NECTIN1: variants seen among roughly 807,000 people sequenced by gnomAD.
NECTIN1 encodes nectin-1.
NECTIN1 carries 23 observed loss-of-function variants against 48.0 expected under a neutral mutation model. That is an observed-to-expected ratio of 0.48 (90% CI 0.34 to 0.68). NECTIN1 has a LOEUF of 0.68. Ranked by LOEUF, NECTIN1 falls within the 30% of genes least tolerant of loss-of-function variation. The pLI is 0.01. For synonymous variants in NECTIN1, 270 were observed against 288.9 expected, an observed-to-expected ratio of 0.93 and a Z score of 0.66; for missense variants, 591 against 709.9, an observed-to-expected ratio of 0.83 and a Z score of 1.90.
intron 1 of NECTIN1, among the ~76,000 whole-genome samples, chr11:119,688,563 C>T (rs1020796974): frequency 2.6e-5 from 4 of 152,208 alleles, no homozygotes; most frequent in African/African-American, 9.7e-5. Context: ...GACATTGCTG[C>T]ATCTCCCATG....
chr11:119,651,773 G>A (rs1864494717), intron 5 of NECTIN1, among the ~76,000 whole-genome samples: 1 of 152,144 alleles, frequency 6.6e-6, no homozygotes, highest in Non-Finnish European at 1.5e-5. Flanking sequence ...ATGGAGTGGG[G>A]TGCGGTGATT....
In NECTIN1 at chr11:119,674,280, G is replaced by T; in HGVS notation, c.1003+879C>A. On this transcript the variant is annotated intron_variant, in intron 5 of 5. Coordinates refer to ENST00000264025, the MANE Select transcript of NECTIN1 (RefSeq NM_002855.5). ...ACCCTGTCACCCTGCAGATAGCTCA[G>T]GTCCACTGTAAAAGACGCTCCCCAT... 4 of 1,205,526 alleles carry T rather than the reference G, an allele frequency of 3.3e-6. No homozygotes were observed. In the South Asian group the frequency reaches 7.2e-5, roughly 22 times the overall value. The allele number at this position is 1,205,526 out of a possible 1,614,324, so 74.7% of individuals were successfully genotyped here.
At chr11:119,724,570 A>G (rs1184529712) in intron 1 of NECTIN1, among the ~76,000 whole-genome samples, 1 of 152,258 alleles carries the variant, frequency 6.6e-6, no homozygotes, top group African/African-American at 2.4e-5. Context: ...ACTCTGACAC[A>G]TAAAATAGGC....
At chr11:119,650,327 G>A (rs1007635304) in intron 5 of NECTIN1, among the ~76,000 whole-genome samples, 5 of 152,186 alleles carry the variant, frequency 3.3e-5, no homozygotes, top group African/African-American at 1.2e-4. Context: ...CCTTCCCAGT[G>A]CTGTGTATTC....
intron 1 of NECTIN1, among the ~76,000 whole-genome samples, chr11:119,704,377 C>T (rs1196782311): frequency 2.0e-5 from 3 of 152,276 alleles, no homozygotes; most frequent in East Asian, 1.9e-4. Flanking sequence ...CCCACCATCA[C>T]GCCCAGCTAA....
In NECTIN1 at chr11:119,663,126, T is replaced by G; in HGVS notation, c.*1621A>C. On this transcript the variant is annotated 3_prime_UTR_variant, in exon 6 of 6. Coordinates refer to ENST00000264025, the MANE Select transcript of NECTIN1 (RefSeq NM_002855.5). ...CCTCCCTCCTCCCCAACACTTGCCA[T>G]CCTGCAGAGCCCCTGACACCCTGGG... is the stretch of plus-strand genomic sequence containing the variant. 1 of 985,504 alleles carries G rather than the reference T, an allele frequency of 1.0e-6. No homozygotes were observed. The highest frequency in any genetic ancestry group is 6.1e-5 in the Admixed American group (1 of 16,286). The allele number at this position is 985,504 out of a possible 1,614,324, so 61.0% of individuals were successfully genotyped here.
intron 5 of NECTIN1, among the ~76,000 whole-genome samples, chr11:119,651,737 A>G (rs1424297894): frequency 6.6e-6 from 1 of 152,150 alleles, no homozygotes; most frequent in Non-Finnish European, 1.5e-5. Context: ...ACCTGGGCTC[A>G]GGATCAATTG....
At chr11:119,641,566 C>T (rs924614034) in intron 5 of NECTIN1, 2 of 150,202 alleles carry the variant, frequency 1.3e-5, no homozygotes, top group South Asian at 2.1e-4. Flanking sequence ...ACTCTGTCTG[C>T]CAGGGTCTCT....
chr11:119,670,608 C>T (rs977801175), intron 5 of NECTIN1, among the ~76,000 whole-genome samples: 3 of 151,010 alleles, frequency 2.0e-5, no homozygotes, highest in African/African-American at 7.3e-5. Flanking sequence ...CTTTTTTTCT[C>T]CTCCAGGCCT....
rs188157274 is a variant in NECTIN1, at chr11:119,666,877, T to C, written c.1004-1580A>G. 2.5e-3 allele frequency among the ~76,000 whole-genome samples: 384 copies of C among 152,150 alleles called. 11 individuals carry two copies. Among genetic ancestry groups the C allele is most frequent in the Non-Finnish European group, 3.1e-4 (21 of 67,984 alleles). ...GGAAAGAGGAAAGGCCTTCCAGGAA[T>C]TTGGGCGGGAAGGGCTGACGAAAAC... On this transcript the variant is annotated intron_variant, in intron 5 of 5. Transcript: ENST00000264025.
rs764063118 is a variant in NECTIN1 at position 119,678,711 on chromosome 11, G to A, written c.134C>T (p.Thr45Ile). 17 of 1,613,766 alleles carry A rather than the reference G, an allele frequency of 1.1e-5. No homozygotes were observed. Among genetic ancestry groups the A allele is most frequent in the Non-Finnish European group, 9.3e-6 (11 of 1,179,980 alleles). The change falls in exon 2 of 6, where the codon ACA becomes ATA. Residue 45 changes from threonine to isoleucine, a missense_variant. By Grantham distance (89) the Thr-to-Ile change is moderately conservative. Transcript: ENST00000264025. This position sits in a 1 kb window ranked among gnomAD's most constrained non-coding sequence, Gnocchi z 4.4. Reference protein sequence around the residue: ...VNDSMYGFIGTDVVLHCSFAN... With the variant: ...VNDSMYGFIGIDVVLHCSFAN... ...AAAGCTGCAGTGCAGAACCACGTCT[G>A]TGCCGATGAAGCCATACATGGAGTC... is the stretch of plus-strand genomic sequence containing the variant.
chr11:119,638,229 C>T, exon 8 of NECTIN1: 2 of 1,614,066 alleles, frequency 1.2e-6, no homozygotes, highest in Non-Finnish European at 1.7e-6. Context: ...TGCTGCCTCC[C>T]TGGGTCCAGG....
At chr11:119,676,965 T>A in intron 4 of NECTIN1, 137 bp downstream of exon 4, 2 of 744,368 alleles carry the variant, frequency 2.7e-6, no homozygotes, top group East Asian at 5.2e-5. Flanking sequence ...TGTTCTCTCA[T>A]GGCCCCGCTT....
chr11:119,657,613 TTAA>T (rs1399976897), downstream of NECTIN1, among the ~76,000 whole-genome samples: 110 of 37,190 alleles, frequency 3.0e-3, no homozygotes, highest in East Asian at 7.9e-3. Flanking sequence ...GACTTTGTCT[TTAA>T]AAAAAAAAAA....
At chr11:119,722,554 C>T (rs987784152) in intron 1 of NECTIN1, among the ~76,000 whole-genome samples, 2 of 152,360 alleles carry the variant, frequency 1.3e-5, no homozygotes, top group Non-Finnish European at 2.9e-5. Context: ...AGCCAGGGAG[C>T]GAGGCAGGTG....
intron 5 of NECTIN1, among the ~76,000 whole-genome samples, chr11:119,648,237 GATAGTGGTGGTGATAGAGGTGGTA>G (rs1183982842): frequency 9.0e-6 from 1 of 111,488 alleles, no homozygotes; most frequent in Admixed American, 9.6e-5. Context: ...TGATGGTGGT[GATAGTGGTGGTGATAGAGGTGGTA>G]ATAGTGGTGG....
rs1865087346 is a variant in NECTIN1 at position 119,683,018 on chromosome 11, T to C, written c.80-4253A>G. Among the ~76,000 whole-genome samples the C allele has an allele frequency of 6.6e-6, 1 of 152,144 alleles. No homozygotes were observed. The highest frequency in any genetic ancestry group is 6.5e-5 in the Admixed American group (1 of 15,270). On this transcript the variant is annotated intron_variant, in intron 1 of 5. Transcript: ENST00000264025. This position sits in a 1 kb window ranked among gnomAD's most constrained non-coding sequence, Gnocchi z 4.0. Reference sequence around the variant, plus strand: ...GTGTCTAGCCTGTCTCCCAACCAATTGTAAGCCCCTGCAGGAGATGAAAGG... The same window carrying C: ...GTGTCTAGCCTGTCTCCCAACCAATCGTAAGCCCCTGCAGGAGATGAAAGG...
At chr11:119,645,294 G>C (rs566442445) in intron 5 of NECTIN1, among the ~76,000 whole-genome samples, 16 of 152,316 alleles carry the variant, frequency 1.1e-4, no homozygotes, top group African/African-American at 3.8e-4. Flanking sequence ...AGAGAGGCAA[G>C]GGCTGGAGGC....
chr11:119,664,278 C>A lies in NECTIN1; in HGVS notation c.*469G>T, dbSNP rs775394498. On this transcript the variant is annotated 3_prime_UTR_variant, in exon 6 of 6. Coordinates refer to ENST00000264025, the MANE Select transcript of NECTIN1 (RefSeq NM_002855.5). ...AGATTTCACTGGTGGGTGTTGGGTT[C>A]CCTCTAGCCGGGAGGAGGAGCAGCA... 1.5e-4 allele frequency: 148 copies of A among 996,422 alleles called. No individual in the cohort carries two copies. Among genetic ancestry groups the A allele is most frequent in the Non-Finnish European group, 1.7e-4 (145 of 836,336 alleles). 61.7% of individuals were successfully genotyped at this position (996,422 alleles called of 1,614,324 possible).
Sources: allele counts gnomAD v4.1 joint callset (sites outside exome capture counted in the v4.1 genomes callset), GRCh38; gene constraint gnomAD v4.1.1; non-coding constraint Gnocchi (gnomAD v3.1); transcripts MANE v1.5; gene names NCBI Gene and HGNC (gene_info 2026-07-23, HGNC 2026-07-21).